The following RBMXL1 variants were observed in gnomAD, a reference collection of about 807,000 sequenced individuals.
RBMXL1 encodes the protein RBMX like 1.
In RBMXL1, 18 loss-of-function variants were observed where a neutral mutation model predicts 29.0. The ratio of observed to expected loss-of-function variants is 0.62; its 90% confidence interval spans 0.43 to 0.92. The LOEUF is 0.92. Ranked by LOEUF, RBMXL1 falls within the 40% of genes least tolerant of loss-of-function variation. The pLI, the probability that RBMXL1 is intolerant of heterozygous loss-of-function variation, is 0.00. For missense variants in RBMXL1, 403 were observed against 495.8 expected (o/e 0.81, Z 1.78); for synonymous variants, 141 against 170.4 (o/e 0.83, Z 1.34).
chr1:88,985,713 A>T (rs1201561125), intron 2 of RBMXL1, among the ~76,000 whole-genome samples: 2 of 152,212 alleles, frequency 1.3e-5, no homozygotes, highest in African/African-American at 4.8e-5. Flanking sequence ...GCAAAGCCAT[A>T]AGCAGAAAAA....
In RBMXL1 at chr1:88,982,604, T is replaced by C; in HGVS notation, c.*50A>G. On this transcript the variant is annotated 3_prime_UTR_variant, in exon 3 of 3. Transcript: ENST00000652648. ...AGTTATGATAGAATAGTTTCCACTCTTTTTTTTGTTTCTTTGAACTGGGAT... is the reference window on the plus strand; with the variant it reads ...AGTTATGATAGAATAGTTTCCACTCCTTTTTTTGTTTCTTTGAACTGGGAT... 4.6e-6 allele frequency: 7 copies of C among 1,530,958 alleles called. No individual in the cohort carries two copies. Among genetic ancestry groups the C allele is most frequent in the Non-Finnish European group, 6.1e-6 (7 of 1,139,872 alleles). The allele number at this position is 1,530,958 out of a possible 1,614,324, so 94.8% of individuals were successfully genotyped here. A position where few individuals can be genotyped will look rare whatever the true frequency, so the allele number is the denominator to read the frequency against.
chr1:88,983,469 T>C lies in RBMXL1; in HGVS notation c.358A>G (p.Arg120Gly). ...GAGRGGSGGT[R>G]GPPSRGGHMD... Reference sequence around the variant, plus strand: ...TGTCCTCCTCGTGAAGGAGGTCCCCTGGTTCCTCCACTTCCTCCTCTTCCA... The same window carrying C: ...TGTCCTCCTCGTGAAGGAGGTCCCCCGGTTCCTCCACTTCCTCCTCTTCCA... The change falls in exon 3 of 3, where the codon AGG becomes GGG. Residue 120 changes from arginine to glycine, a missense_variant. Coordinates refer to ENST00000652648, the MANE Select transcript of RBMXL1 (RefSeq NM_001162536.3). 1 of 1,614,152 alleles carries C rather than the reference T, an allele frequency of 6.2e-7. No individual in the cohort carries two copies. The highest frequency in any genetic ancestry group is 8.5e-7 in the Non-Finnish European group (1 of 1,179,994).
At chr1:88,991,339 A>C (rs1677782936) in intron 1 of RBMXL1, among the ~76,000 whole-genome samples, 1 of 152,240 alleles carries the variant, frequency 6.6e-6, no homozygotes, top group South Asian at 2.1e-4. Flanking sequence ...AAGAGATTTA[A>C]TTTGACAAAG....
intron 2 of RBMXL1, among the ~76,000 whole-genome samples, chr1:88,984,573 T>TC (rs1477279342): frequency 3.0e-4 from 46 of 152,360 alleles, no homozygotes; most frequent in African/African-American, 1.1e-3. Flanking sequence ...TATTTGTGCC[T>TC]GATACGCTGT....
chr1:88,982,553 A>T lies in RBMXL1; in HGVS notation c.*101T>A. 2 of 1,453,606 alleles carry T rather than the reference A, an allele frequency of 1.4e-6. No homozygotes were observed. The highest frequency in any genetic ancestry group is 9.2e-7 in the Non-Finnish European group (1 of 1,084,892). 90.0% of individuals were successfully genotyped at this position (1,453,606 alleles called of 1,614,324 possible). ...CAGGGAATTTAAAAAAGGTAACACA[A>T]TTTTTCCTTTTAGTAGTCCTTGGGT... On this transcript the variant is annotated 3_prime_UTR_variant, in exon 3 of 3. Coordinates refer to ENST00000652648, the MANE Select transcript of RBMXL1 (RefSeq NM_001162536.3).
intron 2 of RBMXL1, 124 bp downstream of exon 2, chr1:88,988,128 C>T (rs1677576432): frequency 1.6e-6 from 1 of 621,682 alleles, no homozygotes; most frequent in East Asian, 2.9e-5. Context: ...GAGACACCTT[C>T]AGCATATGTA....
At chr1:88,984,204 C>CT (rs908183722) in intron 2 of RBMXL1, 138 bp from the exon 3 acceptor site, 1,991 of 81,672 alleles carry the variant, frequency 0.024, 280 homozygotes, top group African/African-American at 0.033. Context: ...TTTTTTGTTG[C>CT]TTTTTTTTTT....
intron 2 of RBMXL1, among the ~76,000 whole-genome samples, chr1:88,985,961 A>ACTT (rs1677424238): frequency 6.6e-6 from 1 of 152,110 alleles, no homozygotes; most frequent in African/African-American, 2.4e-5. Context: ...AGGGTGGATC[A>ACTT]CTTGAGCCCA....
intron 2 of RBMXL1, among the ~76,000 whole-genome samples, chr1:88,985,671 G>GC (rs1487329689): frequency 3.3e-5 from 5 of 152,134 alleles, no homozygotes; most frequent in Non-Finnish European, 7.4e-5. Flanking sequence ...ATGAATACCT[G>GC]CCCCATGTAA....
At chr1:88,988,034 A>G (rs1677569559) in intron 2 of RBMXL1, among the ~76,000 whole-genome samples, 1 of 152,240 alleles carries the variant, frequency 6.6e-6, no homozygotes, top group Non-Finnish European at 1.5e-5. Context: ...AAATGAGGTA[A>G]TGAATATATA....
exon 1 of RBMXL1, chr1:88,992,627 ACTGGGCTTGAGGGCCCGG>A (rs1677884846): frequency 6.5e-6 from 1 of 152,700 alleles, no homozygotes; most frequent in Admixed American, 6.5e-5. Context: ...TCGAGTCCCG[ACTGGGCTTGAGGGCCCGG>A]CTGGGCGGGA....
rs1677055544 is a variant in RBMXL1, at chr1:88,980,929, C to T, written c.*1725G>A. The stretch of plus-strand genomic sequence containing the variant: ...CCAAATGAGAGTTAAAAATGTTGTA[C>T]TTACTATCCCTAGTTGCAAATGTTA... On this transcript the variant is annotated 3_prime_UTR_variant, in exon 3 of 3. Coordinates refer to ENST00000652648, the MANE Select transcript of RBMXL1 (RefSeq NM_001162536.3). 6.6e-6 allele frequency: 1 copy of T among 152,170 alleles called. No homozygotes were observed. Among genetic ancestry groups the T allele is most frequent in the Non-Finnish European group, 1.5e-5 (1 of 68,018 alleles). 9.4% of individuals were successfully genotyped at this position (152,170 alleles called of 1,614,324 possible).
rs1468743311 is a variant in RBMXL1 at position 88,981,047 on chromosome 1, T to C, written c.*1607A>G. On this transcript the variant is annotated 3_prime_UTR_variant, in exon 3 of 3. Coordinates refer to ENST00000652648, the MANE Select transcript of RBMXL1 (RefSeq NM_001162536.3). ...CTCAAGTCTGTTTCCTTTGAGAACA[T>C]TACACTATTGGCTCTAGTCTCCAAA... The C allele has an allele frequency of 6.6e-6, 1 of 152,210 alleles. No individual in the cohort carries two copies. Among genetic ancestry groups the C allele is most frequent in the Non-Finnish European group, 1.5e-5 (1 of 68,036 alleles). The allele number at this position is 152,210 out of a possible 1,614,324, so 9.4% of individuals were successfully genotyped here. A position where few individuals can be genotyped will look rare whatever the true frequency, so the allele number is the denominator to read the frequency against.
chr1:88,984,559 G>T (rs1677332262), intron 2 of RBMXL1, among the ~76,000 whole-genome samples: 1 of 152,178 alleles, frequency 6.6e-6, no homozygotes, highest in Admixed American at 6.6e-5. Context: ...ATTTTATAAA[G>T]AATTATTTGT....
In RBMXL1 at chr1:88,983,060, G is replaced by A. The variant is rs762408826; in HGVS notation, c.767C>T (p.Pro256Leu). 2 of 1,612,544 alleles carry A rather than the reference G, an allele frequency of 1.2e-6. No individual in the cohort carries two copies. The highest frequency in any genetic ancestry group is 2.2e-5 in the South Asian group (2 of 90,998). The change falls in exon 3 of 3, where the codon CCA becomes CTA. Residue 256 changes from proline (P) to leucine (L), a missense_variant. By Grantham distance (98) the Pro-to-Leu change is moderately conservative. Transcript: ENST00000652648. ...ATCTCTATCGCCATAGCCTCTTGAT[G>A]GATAGTCATCACGTGAACTGGAATG... The part of the protein sequence containing the change: ...YGHSSSRDDY[P>L]SRGYGDRDGY...
At chr1:88,984,795 C>G (rs1450401676) in intron 2 of RBMXL1, among the ~76,000 whole-genome samples, 2 of 152,226 alleles carry the variant, frequency 1.3e-5, no homozygotes, top group East Asian at 3.8e-4. Flanking sequence ...AAGTGACAGG[C>G]ATGCAAATTC....
intron 2 of RBMXL1, among the ~76,000 whole-genome samples, chr1:88,987,778 CAAT>C (rs1677550630): frequency 6.6e-6 from 1 of 152,200 alleles, no homozygotes; most frequent in Non-Finnish European, 1.5e-5. Context: ...ACCTCACCAA[CAAT>C]AATTTCTTGT....
At chr1:88,991,673 T>C (rs1002595891) in intron 1 of RBMXL1, among the ~76,000 whole-genome samples, 8 of 152,198 alleles carry the variant, frequency 5.3e-5, no homozygotes, top group Non-Finnish European at 1.2e-4. Context: ...GAGCCTGAAA[T>C]TGCTGAAAAA....
At chr1:88,986,772 T>C (rs1677481574) in intron 2 of RBMXL1, among the ~76,000 whole-genome samples, 1 of 152,222 alleles carries the variant, frequency 6.6e-6, no homozygotes, top group African/African-American at 2.4e-5. Context: ...AAGTTCACAG[T>C]AACTTATCTG....
Sources: allele counts gnomAD v4.1 joint callset (sites outside exome capture counted in the v4.1 genomes callset), GRCh38; gene constraint gnomAD v4.1.1; transcripts MANE v1.5; gene names NCBI Gene and HGNC (gene_info 2026-07-23, HGNC 2026-07-21).